The following USP20 variants were observed in gnomAD, a reference collection of about 807,000 sequenced individuals.
USP20 encodes the protein ubiquitin specific peptidase 20.
A neutral mutation model predicts 124.2 loss-of-function variants in USP20; 80 were observed. The observed-to-expected ratio is 0.64, with a 90% CI of 0.54 to 0.78. The LOEUF is 0.78. Ranked by LOEUF, USP20 falls within the 30% of genes least tolerant of loss-of-function variation. The probability of loss-of-function intolerance (pLI) is 0.00; values close to 1 mark genes in which losing one functional copy is unlikely to be tolerated. For synonymous variants in USP20, 481 were observed against 512.3 expected, an observed-to-expected ratio of 0.94 and a Z score of 0.83; for missense variants, 1,043 against 1,244.4, an observed-to-expected ratio of 0.84 and a Z score of 2.44.
intron 10 of USP20, among the ~76,000 whole-genome samples, chr9:129,866,947 A>G (rs1383593927): frequency 6.6e-6 from 1 of 152,014 alleles, no homozygotes; most frequent in Non-Finnish European, 1.5e-5. Context: ...GGAGCCTGAC[A>G]CTTTGCCTTG....
chr9:129,858,947 A>C (rs1262857301), intron 6 of USP20, among the ~76,000 whole-genome samples: 1 of 152,142 alleles, frequency 6.6e-6, no homozygotes, highest in Non-Finnish European at 1.5e-5. Context: ...GAGGGTTGAC[A>C]AGGTCACAGA....
chr9:129,869,560 A>C, intron 13 of USP20, 112 bp from the exon 14 acceptor site: 1 of 1,542,188 alleles, frequency 6.5e-7, no homozygotes, highest in Non-Finnish European at 8.9e-7. Context: ...GCCTGCGTGG[A>C]TCCCGTGTCT....
Position 129,879,761 on chromosome 9 carries a change from C to T in USP20, c.2584+117C>T, listed in dbSNP as rs1043721556. On this transcript the variant is annotated intron_variant, in intron 24 of 25. Transcript: ENST00000372429. The surrounding 1 kb of genome is among the most constrained non-coding windows in gnomAD (Gnocchi z 4.2). The stretch of plus-strand genomic sequence containing the variant: ...CACCTGTCTTAGAGTCAGGCTGAGA[C>T]GTCCACCTGAGTCCAGACCCAGGCG... 8.4e-5 allele frequency: 103 copies of T among 1,219,722 alleles called. No individual in the cohort carries two copies. The Admixed American group carries it at 1.8e-3, about 22-fold the overall frequency. The allele number at this position is 1,219,722 out of a possible 1,614,324, so 75.6% of individuals were successfully genotyped here. A position where few individuals can be genotyped will look rare whatever the true frequency, so the allele number is the denominator to read the frequency against.
intron 2 of USP20, among the ~76,000 whole-genome samples, chr9:129,852,243 A>G (rs2131050351): frequency 6.6e-6 from 1 of 151,740 alleles, no homozygotes; most frequent in East Asian, 2.0e-4. Context: ...TGTCTTCCCT[A>G]CCAATAATTC....
At chr9:129,873,402 A>G in intron 15 of USP20, 80 bp from the exon 16 acceptor site, 1 of 1,560,926 alleles carries the variant, frequency 6.4e-7, no homozygotes, top group Non-Finnish European at 8.8e-7. Flanking sequence ...TTTCTTAAGC[A>G]GAAATCATTA....
intron 10 of USP20, among the ~76,000 whole-genome samples, chr9:129,865,810 A>C (rs10217563): frequency 0.88 from 133,367 of 152,066 alleles, 58,870 homozygotes; most frequent in East Asian, 1. Flanking sequence ...GATTATAGGC[A>C]TGAGCCACTG....
Position 129,875,341 on chromosome 9 carries a change from C to G in USP20, c.2080C>G (p.Gln694Glu), listed in dbSNP as rs772689746. Reference protein sequence around the residue: ...KSSEEAMRERQQVVSLAAMRE... With the variant: ...KSSEEAMREREQVVSLAAMRE... Reference sequence around the variant, plus strand: ...CAGCGAGGAGGCCATGCGGGAGCGACAGCAGGTGGTGTCCCTGGCCGCCAT... The same window carrying G: ...CAGCGAGGAGGCCATGCGGGAGCGAGAGCAGGTGGTGTCCCTGGCCGCCAT... Residue 694 changes from glutamine to glutamate, a missense_variant, in exon 20 of 26, where the codon CAG (glutamine) becomes GAG (glutamate). Physicochemically the swap from Gln to Glu is conservative, Grantham distance 29. Coordinates refer to ENST00000372429, the MANE Select transcript of USP20 (RefSeq NM_001110303.4). The G allele has an allele frequency of 4.3e-6, 7 of 1,612,004 alleles. No individual in the cohort carries two copies. The highest frequency in any genetic ancestry group is 3.4e-6 in the Non-Finnish European group (4 of 1,179,464).
chr9:129,858,351 GC>G (rs2033329000), intron 5 of USP20, 115 bp from the exon 6 acceptor site: 1 of 1,488,330 alleles, frequency 6.7e-7, no homozygotes, highest in Admixed American at 2.0e-5. Context: ...TGAGCTTCCG[GC>G]CTCTGTCCTG....
chr9:129,859,286 T>A (rs551987967), intron 6 of USP20, among the ~76,000 whole-genome samples: 1 of 149,266 alleles, frequency 6.7e-6, no homozygotes, highest in South Asian at 2.1e-4. Context: ...TTTATTTTAA[T>A]TTTTTGAGAC....
At chr9:129,846,687 G>T (rs1357156713) in intron 1 of USP20, among the ~76,000 whole-genome samples, 1 of 148,702 alleles carries the variant, frequency 6.7e-6, no homozygotes, top group Non-Finnish European at 1.5e-5. Context: ...GCAGTGGCAC[G>T]ATCTTCTTGG....
At chr9:129,870,596 C>T (rs368241018) in intron 15 of USP20, 49 bp downstream of exon 15, 33 of 1,595,922 alleles carry the variant, frequency 2.1e-5, no homozygotes, top group South Asian at 5.5e-5. Flanking sequence ...GTTGTGGGGA[C>T]GGGGATGTGC....
chr9:129,861,747 ACCCTTT>A, intron 8 of USP20, 135 bp downstream of exon 8: 1 of 701,748 alleles, frequency 1.4e-6, no homozygotes, highest in Non-Finnish European at 2.4e-6. Flanking sequence ...AAGCATGTAT[ACCCTTT>A]GACCCAGCAA....
chr9:129,836,814 C>G (rs991923466), intron 1 of USP20, among the ~76,000 whole-genome samples: 4 of 152,192 alleles, frequency 2.6e-5, no homozygotes, highest in African/African-American at 9.7e-5. Context: ...CACGTGCACT[C>G]ACTGGATACG....
At chr9:129,875,924 T>TGAAGCACAGCTGAGTGTGTTGGCCATCTG (rs1564223147) in intron 21 of USP20, among the ~76,000 whole-genome samples, 53 of 152,212 alleles carry the variant, frequency 3.5e-4, no homozygotes, top group African/African-American at 6.0e-4. Flanking sequence ...GGCCATCTGC[T>TGAAGCACAGCTGAGTGTGTTGGCCATCTG]CTTCAGCCTT....
chr9:129,879,532 C>T lies in USP20; in HGVS notation c.2513-41C>T. ...CTCTGCTGCTGTGGAGGGTGGAGGGCATGGCAGGGGCTGAACCCGAGCCCG... is the reference window on the plus strand; with the variant it reads ...CTCTGCTGCTGTGGAGGGTGGAGGGTATGGCAGGGGCTGAACCCGAGCCCG... On this transcript the variant is annotated intron_variant, in intron 23 of 25. Transcript: ENST00000372429. The surrounding 1 kb of genome is among the most constrained non-coding windows in gnomAD (Gnocchi z 4.2). The T allele has an allele frequency of 6.2e-7, 1 of 1,605,762 alleles. No homozygotes were observed. Among genetic ancestry groups the T allele is most frequent in the Non-Finnish European group, 8.5e-7 (1 of 1,173,680 alleles).
chr9:129,850,133 A>G (rs1006850463), intron 2 of USP20, among the ~76,000 whole-genome samples: 2 of 152,178 alleles, frequency 1.3e-5, no homozygotes, highest in African/African-American at 4.8e-5. Flanking sequence ...AGATGAAGCA[A>G]GATTGGCCAT....
chr9:129,863,419 C>A, intron 9 of USP20, 120 bp downstream of exon 9: 1 of 740,010 alleles, frequency 1.4e-6, no homozygotes, highest in Non-Finnish European at 2.1e-6. Context: ...CACTTTGTCC[C>A]GGGTAATGCT....
chr9:129,871,783 C>A (rs1012942112), intron 15 of USP20, among the ~76,000 whole-genome samples: 3 of 152,192 alleles, frequency 2.0e-5, no homozygotes, highest in Non-Finnish European at 4.4e-5. Flanking sequence ...ATGGCATGAT[C>A]TCGGCTTATT....
chr9:129,868,439 C>G lies in USP20; in HGVS notation c.1125C>G (p.Cys375Trp). The G allele has an allele frequency of 6.2e-7, 1 of 1,609,892 alleles. No individual in the cohort carries two copies. The highest frequency in any genetic ancestry group is 8.5e-7 in the Non-Finnish European group (1 of 1,177,822). The change falls in exon 11 of 26, where the codon TGC becomes TGG. Residue 375 changes from cysteine to tryptophan, a missense_variant. By Grantham distance (215) the Cys-to-Trp change is radical. Coordinates refer to ENST00000372429, the MANE Select transcript of USP20 (RefSeq NM_001110303.4). ...CGTCACCACGGTCCTCCAGCCCCTGCCGGACGCCAGGTATCAGCTGGCCGG... is the reference window on the plus strand; with the variant it reads ...CGTCACCACGGTCCTCCAGCCCCTGGCGGACGCCAGGTATCAGCTGGCCGG... ...QPPSPRSSSP[C>W]RTPEPDNDAH... is the part of the protein sequence containing the mutation.
Sources: allele counts gnomAD v4.1 joint callset (sites outside exome capture counted in the v4.1 genomes callset), GRCh38; gene constraint gnomAD v4.1.1; non-coding constraint Gnocchi (gnomAD v3.1); transcripts MANE v1.5; gene names NCBI Gene and HGNC (gene_info 2026-07-23, HGNC 2026-07-21).